The following CBLN2 variants were observed in gnomAD, a reference collection of about 807,000 sequenced individuals.
The protein encoded by CBLN2 is cerebellin-2.
CBLN2 carries 7 observed loss-of-function variants against 15.0 expected under a neutral mutation model. The observed-to-expected ratio is 0.47, with a 90% CI of 0.27 to 0.88. CBLN2 has a LOEUF of 0.88. Ranked by LOEUF, CBLN2 falls within the 40% of genes least tolerant of loss-of-function variation. CBLN2 has a pLI of 0.14. For missense variants in CBLN2, 242 were observed against 304.5 expected (o/e 0.79, Z 1.53); for synonymous variants, 149 against 135.2 (o/e 1.10, Z -0.71).
At position 72,612,782 on chromosome 18, in the gene CBLN2, T is replaced by C. The variant is rs544562043; in HGVS notation, c.15+25543A>G. ...TTCTCTTCTAACTTGTATTTTTGTT[T>C]TATATTTTATGGATGTGTGTTTGTA... On this transcript the variant is annotated intron_variant, in intron 1 of 2. Transcript: ENST00000581073. Among the ~76,000 whole-genome samples the C allele has an allele frequency of 2.6e-5, 4 of 152,312 alleles. No individual in the cohort carries two copies. In the South Asian group the frequency reaches 8.3e-4, roughly 32 times the overall value.
At chr18:72,572,829 C>CA (rs900245400) in intron 1 of CBLN2, among the ~76,000 whole-genome samples, 89 of 150,648 alleles carry the variant, frequency 5.9e-4, no homozygotes, top group African/African-American at 2.0e-3. Flanking sequence ...TTATAAGACA[C>CA]AAAAAATGAT....
At chr18:72,621,854 G>T (rs138476693) in intron 1 of CBLN2, among the ~76,000 whole-genome samples, 19 of 152,126 alleles carry the variant, frequency 1.2e-4, no homozygotes, top group African/African-American at 4.1e-4. Context: ...GTGAGCCAAG[G>T]TTTCCAAAAC....
chr18:72,575,915 A>C (rs2069363457), intron 1 of CBLN2, among the ~76,000 whole-genome samples: 2 of 152,192 alleles, frequency 1.3e-5, no homozygotes, highest in South Asian at 4.1e-4. Flanking sequence ...GAGGCAAGTC[A>C]GAGGAAAACA....
At chr18:72,571,113 T>C (rs2069329879) in intron 1 of CBLN2, among the ~76,000 whole-genome samples, 1 of 152,160 alleles carries the variant, frequency 6.6e-6, no homozygotes, top group Non-Finnish European at 1.5e-5. Context: ...TATTGATAGA[T>C]GATAGTATCA....
At chr18:72,615,683 T>G (rs529119067) in intron 1 of CBLN2, among the ~76,000 whole-genome samples, 1 of 152,294 alleles carries the variant, frequency 6.6e-6, no homozygotes, top group Non-Finnish European at 1.5e-5. Flanking sequence ...ATATATATAT[T>G]AAGCATTTGT....
chr18:72,558,328 C>A (rs1182613307), intron 1 of CBLN2, among the ~76,000 whole-genome samples: 5 of 152,194 alleles, frequency 3.3e-5, no homozygotes, highest in Non-Finnish European at 5.9e-5. Flanking sequence ...GGTGTTGTCA[C>A]ACATCATAGC....
intron 1 of CBLN2, among the ~76,000 whole-genome samples, chr18:72,588,147 C>G (rs2069455525): frequency 6.6e-6 from 1 of 152,188 alleles, no homozygotes; most frequent in African/African-American, 2.4e-5. Flanking sequence ...TCCATCCTAT[C>G]ACTTATTCAG....
chr18:72,540,444 C>A (rs374732111), intron 3 of CBLN2: 1 of 152,092 alleles, frequency 6.6e-6, no homozygotes, highest in African/African-American at 2.4e-5. Context: ...CATCACAGAG[C>A]TTTCTTGTTA....
intron 1 of CBLN2, among the ~76,000 whole-genome samples, chr18:72,556,924 T>C (rs965152242): frequency 6.6e-6 from 1 of 152,134 alleles, no homozygotes; most frequent in African/African-American, 2.4e-5. Context: ...CCAAATTATA[T>C]GCAGACATAG....
intron 1 of CBLN2, among the ~76,000 whole-genome samples, chr18:72,617,717 T>A (rs2069671573): frequency 2.0e-5 from 3 of 152,138 alleles, no homozygotes; most frequent in African/African-American, 7.2e-5. Flanking sequence ...CTGGCGTGAG[T>A]ACAGATAGCT....
upstream of CBLN2, among the ~76,000 whole-genome samples, chr18:72,546,944 G>A (rs546013530): frequency 6.6e-6 from 1 of 152,040 alleles, no homozygotes; most frequent in Non-Finnish European, 1.5e-5. Context: ...TTATAGATTT[G>A]CTGTTGGATC....
intron 1 of CBLN2, among the ~76,000 whole-genome samples, chr18:72,629,123 A>G (rs905106894): frequency 6.6e-6 from 1 of 152,168 alleles, no homozygotes; most frequent in Non-Finnish European, 1.5e-5. Flanking sequence ...CTTCCCAACC[A>G]TCTGCTATAT....
chr18:72,576,457 TA>T (rs1191184336), intron 1 of CBLN2, among the ~76,000 whole-genome samples: 1 of 152,024 alleles, frequency 6.6e-6, no homozygotes, highest in Non-Finnish European at 1.5e-5. Context: ...ACAGATAAAA[TA>T]ACAAATAAAA....
chr18:72,628,125 C>T lies in CBLN2; in HGVS notation c.15+10200G>A, dbSNP rs1411347780. On this transcript the variant is annotated intron_variant, in intron 1 of 2. Coordinates refer to the CBLN2 transcript ENST00000581073. ...GGTGGGCATGCAATCAGTCTCATCACATTGGTCCTGCCTGTAGAAGACTCC... is the reference window on the plus strand; with the variant it reads ...GGTGGGCATGCAATCAGTCTCATCATATTGGTCCTGCCTGTAGAAGACTCC... 4.6e-5 allele frequency among the ~76,000 whole-genome samples: 7 copies of T among 152,196 alleles called. No homozygotes were observed. In the East Asian group the frequency reaches 9.6e-4, roughly 21 times the overall value.
rs1196899682 is a variant in CBLN2, at chr18:72,632,873, G to A, written c.15+5452C>T. On this transcript the variant is annotated intron_variant, in intron 1 of 2. Coordinates refer to the CBLN2 transcript ENST00000581073. Reference sequence around the variant, plus strand: ...CTGCTGTTTTGTAGCTGGATCTACAGGATAGGAAGCTCCTTGCAGGCAGGT... The same window carrying A: ...CTGCTGTTTTGTAGCTGGATCTACAAGATAGGAAGCTCCTTGCAGGCAGGT... 4.6e-5 allele frequency among the ~76,000 whole-genome samples: 7 copies of A among 152,212 alleles called. No individual in the cohort carries two copies. The South Asian group carries it at 1.4e-3, about 32-fold the overall frequency.
At chr18:72,610,178 T>G (rs535357460) in intron 1 of CBLN2, among the ~76,000 whole-genome samples, 11 of 152,200 alleles carry the variant, frequency 7.2e-5, no homozygotes, top group African/African-American at 2.6e-4. Context: ...GAGTTGTTGT[T>G]GTTGTTTTTA....
chr18:72,539,815 C>G (rs935237077), intron 3 of CBLN2: 1 of 152,116 alleles, frequency 6.6e-6, no homozygotes, highest in East Asian at 1.9e-4. Context: ...GATGGCCTGC[C>G]TTTTAAAACA....
intron 1 of CBLN2, among the ~76,000 whole-genome samples, chr18:72,633,397 C>G (rs1216505574): frequency 6.6e-6 from 1 of 152,150 alleles, no homozygotes; most frequent in Non-Finnish European, 1.5e-5. Context: ...CAAGACACGG[C>G]TACATTTGTT....
At chr18:72,638,250 C>A (rs371228928) in intron 1 of CBLN2, 142 of 398,290 alleles carry the variant, frequency 3.6e-4, no homozygotes, top group African/African-American at 2.0e-3. Context: ...GTTGTTCATT[C>A]CACAGTCTTT....
Sources: allele counts gnomAD v4.1 joint callset (sites outside exome capture counted in the v4.1 genomes callset), GRCh38; gene constraint gnomAD v4.1.1; transcripts MANE v1.5; gene names NCBI Gene and HGNC (gene_info 2026-07-23, HGNC 2026-07-21).